Variants in PDS5A observed in about 807,000 individuals in gnomAD.
PDS5A encodes sister chromatid cohesion protein PDS5 homolog A.
PDS5A carries 42 observed loss-of-function variants against 167.1 expected under a neutral mutation model. The ratio of observed to expected loss-of-function variants is 0.25; its 90% confidence interval spans 0.20 to 0.33. The LOEUF is 0.33. Ranked by LOEUF, PDS5A falls within the 10% of genes least tolerant of loss-of-function variation. The pLI is 1.00. For synonymous variants in PDS5A, 553 were observed against 554.6 expected, an observed-to-expected ratio of 1.00 and a Z score of 0.04; for missense variants, 1,033 against 1,605.9, an observed-to-expected ratio of 0.64 and a Z score of 6.10.
At chr4:39,948,621 A>ATTTTT (rs55951253) in intron 2 of PDS5A, among the ~76,000 whole-genome samples, 1,392 of 110,884 alleles carry the variant, frequency 0.013, 11 homozygotes, top group Middle Eastern at 0.026. Context: ...CCACGCCTGG[A>ATTTTT]TTTTTTTTTT....
chr4:39,849,855 T>C (rs958467726), intron 26 of PDS5A, among the ~76,000 whole-genome samples: 2 of 152,162 alleles, frequency 1.3e-5, no homozygotes, highest in African/African-American at 4.8e-5. Context: ...AATGAAAACA[T>C]AGCTTAATAT....
intron 17 of PDS5A, among the ~76,000 whole-genome samples, chr4:39,881,843 G>A (rs900788888): frequency 6.6e-6 from 1 of 152,158 alleles, no homozygotes; most frequent in Non-Finnish European, 1.5e-5. Flanking sequence ...ACTGTAATAA[G>A]CCCCACATGC....
intron 2 of PDS5A, among the ~76,000 whole-genome samples, chr4:39,940,009 G>A (rs1727074930): frequency 6.6e-6 from 1 of 152,054 alleles, no homozygotes; most frequent in African/African-American, 2.4e-5. Flanking sequence ...TGCAATCCCA[G>A]CACTTTGGGA....
intron 19 of PDS5A, among the ~76,000 whole-genome samples, chr4:39,875,679 G>T (rs181476109): frequency 5.6e-4 from 85 of 152,252 alleles, no homozygotes; most frequent in African/African-American, 1.9e-3. Flanking sequence ...GGAATTATGA[G>T]ATAGGGATGT....
At chr4:39,972,537 AT>A (rs1442218115) in intron 2 of PDS5A, among the ~76,000 whole-genome samples, 2 of 152,002 alleles carry the variant, frequency 1.3e-5, no homozygotes, top group East Asian at 3.9e-4. Context: ...AAATAAATAA[AT>A]AAAAAATAAA....
chr4:39,911,019 A>C (rs1394367270), intron 9 of PDS5A, among the ~76,000 whole-genome samples: 2 of 152,114 alleles, frequency 1.3e-5, no homozygotes, highest in Non-Finnish European at 2.9e-5. Flanking sequence ...CTGTAGTCCC[A>C]GCTACTTGGG....
At chr4:39,910,790 T>A (rs999328727) in intron 9 of PDS5A, among the ~76,000 whole-genome samples, 6 of 151,726 alleles carry the variant, frequency 4.0e-5, no homozygotes, top group African/African-American at 1.5e-4. Context: ...TGGCCAGGAG[T>A]TTAAGACCAG....
At chr4:39,939,241 C>A (rs750072056) in intron 2 of PDS5A, among the ~76,000 whole-genome samples, 1 of 152,052 alleles carries the variant, frequency 6.6e-6, no homozygotes, top group South Asian at 2.1e-4. Flanking sequence ...GCAGGAAAAT[C>A]GCTTGAGCCC....
chr4:39,920,456 A>C, intron 6 of PDS5A, 57 bp from the exon 7 acceptor site: 1 of 813,192 alleles, frequency 1.2e-6, no homozygotes, highest in Non-Finnish European at 2.1e-6. Flanking sequence ...ATGAGATAGT[A>C]ACATTAGAAT....
chr4:39,845,911 G>T, intron 28 of PDS5A, 31 bp from the exon 29 acceptor site: 2 of 1,287,258 alleles, frequency 1.6e-6, no homozygotes, highest in South Asian at 2.0e-5. Flanking sequence ...AAAGAAAAAA[G>T]AAACACCAAT....
chr4:39,872,787 T>G (rs951639274), intron 21 of PDS5A, 199 bp downstream of exon 21: 2 of 358,536 alleles, frequency 5.6e-6, no homozygotes, highest in African/African-American at 2.1e-5. Context: ...TTTTGTTTCT[T>G]AAGTGTGAAA....
chr4:39,930,246 A>AAAAAT, intron 2 of PDS5A, among the ~76,000 whole-genome samples: 5 of 93,086 alleles, frequency 5.4e-5, no homozygotes, highest in Non-Finnish European at 1.1e-4. Flanking sequence ...AAAAAAAAAA[A>AAAAAT]GTTTTTTTGT....
chr4:39,845,100 C>T (rs888284765), intron 29 of PDS5A, among the ~76,000 whole-genome samples: 2 of 151,714 alleles, frequency 1.3e-5, no homozygotes, highest in African/African-American at 4.8e-5. Flanking sequence ...CCCATCTACT[C>T]GATAGACTGA....
chr4:39,898,982 C>T (rs1276206005), intron 14 of PDS5A, among the ~76,000 whole-genome samples, 157 bp from the exon 15 acceptor site: 4 of 152,006 alleles, frequency 2.6e-5, no homozygotes, highest in South Asian at 2.1e-4. Context: ...CACATATATA[C>T]GCTAAACTAA....
At chr4:39,862,676 G>C (rs1214097216) in intron 25 of PDS5A, among the ~76,000 whole-genome samples, 193 bp downstream of exon 25, 2 of 152,052 alleles carry the variant, frequency 1.3e-5, no homozygotes, top group Non-Finnish European at 2.9e-5. Context: ...AATGCAGTTT[G>C]CCAGAGTTAA....
chr4:39,958,503 T>C (rs1443258771), intron 2 of PDS5A, among the ~76,000 whole-genome samples: 12 of 132,386 alleles, frequency 9.1e-5, no homozygotes, highest in Non-Finnish European at 1.6e-4. Context: ...CGAAACTGTG[T>C]CTCAAAAAAA....
At chr4:39,829,807 C>T (rs559094264) in intron 32 of PDS5A, among the ~76,000 whole-genome samples, 16 of 151,628 alleles carry the variant, frequency 1.1e-4, no homozygotes, top group East Asian at 3.9e-4. Context: ...AAAAATTAGC[C>T]GGGCGTGGTG....
In PDS5A at chr4:39,950,088, G is replaced by A. The variant is rs563198076; in HGVS notation, c.139-21924C>T. Reference sequence around the variant, plus strand: ...GCTTGGCTTATTTTCTATGTTTTTAGTAGAGATGGGGTTTCTCCATGTTGG... The same window carrying A: ...GCTTGGCTTATTTTCTATGTTTTTAATAGAGATGGGGTTTCTCCATGTTGG... On this transcript the variant is annotated intron_variant, in intron 2 of 32. Transcript: ENST00000303538. Among the ~76,000 whole-genome samples the A allele has an allele frequency of 5.9e-5, 9 of 152,006 alleles. No individual in the cohort carries two copies. The South Asian group carries it at 1.7e-3, about 28-fold the overall frequency.
At chr4:39,867,047 TA>T in intron 22 of PDS5A, 50 bp from the exon 23 acceptor site, 1 of 1,431,258 alleles carries the variant, frequency 7.0e-7, no homozygotes, top group Non-Finnish European at 9.5e-7. Context: ...AAATTCCAAT[TA>T]AAGGGAAAAT....
Sources: allele counts gnomAD v4.1 joint callset (sites outside exome capture counted in the v4.1 genomes callset), GRCh38; gene constraint gnomAD v4.1.1; transcripts MANE v1.5; gene names NCBI Gene and HGNC (gene_info 2026-07-23, HGNC 2026-07-21).